The following ANKRD60 variants were observed in gnomAD, a reference collection of about 807,000 sequenced individuals.
ANKRD60 encodes the protein ankyrin repeat domain-containing protein 60.
ANKRD60 carries 24 observed loss-of-function variants against 21.3 expected under a neutral mutation model. The observed-to-expected ratio is 1.13, with a 90% confidence interval of 0.82 to 1.59. The LOEUF (loss-of-function observed/expected upper bound fraction) is 1.59, where lower values mean the gene tolerates loss of function less well. ANKRD60 is among the 40% of genes most tolerant of loss of function. ANKRD60 has a pLI of 0.00. For synonymous variants in ANKRD60, 182 were observed against 199.4 expected (o/e 0.91, Z 0.74); for missense variants, 490 against 466.7 (o/e 1.05, Z -0.46).
chr20:58,227,944 A>G (rs2122816158), intron 1 of ANKRD60, among the ~76,000 whole-genome samples: 1 of 152,254 alleles, frequency 6.6e-6, no homozygotes, highest in African/African-American at 2.4e-5. Flanking sequence ...ATGCAGCCCG[A>G]TCCAGGCAGG....
intron 2 of ANKRD60, 115 bp from the exon 3 acceptor site, chr20:58,221,618 G>T: frequency 8.4e-7 from 1 of 1,197,306 alleles, no homozygotes; most frequent in Non-Finnish European, 1.2e-6. Context: ...TAAGGCTCAT[G>T]ATGGGAAAAG....
downstream of ANKRD60, among the ~76,000 whole-genome samples, chr20:58,217,235 C>A (rs2070118767): frequency 6.6e-6 from 1 of 152,090 alleles, no homozygotes; most frequent in Non-Finnish European, 1.5e-5. Flanking sequence ...TCGAGACCAA[C>A]CTGGCCAACG....
Position 58,228,390 on chromosome 20 carries a change from G to A in ANKRD60, c.264C>T (p.Asp88=). ...GCAGGACGAAGACGTCAGGGGCCAA[G>A]TCGGGCAAGGCACTCGCGGCCTTCG... The change falls in exon 1 of 4, where the codon GAC becomes GAT. Residue 88 remains aspartate (D), a synonymous_variant. Coordinates refer to ENST00000457363, the Ensembl canonical transcript of ANKRD60. The surrounding 1 kb of genome is among the most constrained non-coding windows in gnomAD (Gnocchi z 5.3). 1 of 1,547,498 alleles carries A rather than the reference G, an allele frequency of 6.5e-7. No homozygotes were observed. The highest frequency in any genetic ancestry group is 8.7e-7 in the Non-Finnish European group (1 of 1,146,766).
chr20:58,228,618 C>T lies in ANKRD60; in HGVS notation c.36G>A (p.Ala12=). 9.7e-7 allele frequency: 1 copy of T among 1,027,862 alleles called. No individual in the cohort carries two copies. Among genetic ancestry groups the T allele is most frequent in the Non-Finnish European group, 1.2e-6 (1 of 855,574 alleles). 63.7% of individuals were successfully genotyped at this position (1,027,862 alleles called of 1,614,324 possible). Residue 12 remains alanine, a synonymous_variant, in exon 1 of 4, where the codon GCG becomes GCA. Coordinates refer to ENST00000457363, the Ensembl canonical transcript of ANKRD60. The surrounding 1 kb of genome is among the most constrained non-coding windows in gnomAD (Gnocchi z 5.3). Reference sequence around the variant, plus strand: ...CCCGCGCTCCGCCCGCCCCCGCCGCCGCCCGCCGCATCCCCCAGGCGCGGC... The same window carrying T: ...CCCGCGCTCCGCCCGCCCCCGCCGCTGCCCGCCGCATCCCCCAGGCGCGGC...
At chr20:58,218,933 C>T in intron 3 of ANKRD60, 128 bp from the exon 4 acceptor site, 1 of 786,140 alleles carries the variant, frequency 1.3e-6, no homozygotes, top group Non-Finnish European at 2.0e-6. Context: ...ACTGCCCTGC[C>T]CCCAGTCCAC....
chr20:58,228,620 C>CCTG lies in ANKRD60; in HGVS notation c.33_34insCAG (p.Arg11_Ala12insGln). Reference sequence around the variant, plus strand: ...CGCGCTCCGCCCGCCCCCGCCGCCGCCCGCCGCATCCCCCAGGCGCGGCCG... The same window carrying CCTG: ...CGCGCTCCGCCCGCCCCCGCCGCCGCCTGCCGCCGCATCCCCCAGGCGCGGCCG... On this transcript the variant is annotated inframe_insertion, in exon 1 of 4. Transcript: ENST00000457363. The surrounding 1 kb of genome is among the most constrained non-coding windows in gnomAD (Gnocchi z 5.3). 9.8e-7 allele frequency: 1 copy of CCTG among 1,015,790 alleles called. No individual in the cohort carries two copies. Among genetic ancestry groups the CCTG allele is most frequent in the Non-Finnish European group, 1.2e-6 (1 of 845,090 alleles). 62.9% of individuals were successfully genotyped at this position (1,015,790 alleles called of 1,614,324 possible).
intron 2 of ANKRD60, among the ~76,000 whole-genome samples, chr20:58,222,850 C>G (rs567231035): frequency 6.6e-6 from 1 of 152,180 alleles, no homozygotes; most frequent in East Asian, 1.9e-4. Context: ...AATCACAAAT[C>G]GATAAACCCA....
intron 3 of ANKRD60, among the ~76,000 whole-genome samples, chr20:58,219,624 G>C (rs923559185): frequency 2.0e-5 from 3 of 152,192 alleles, no homozygotes; most frequent in African/African-American, 7.2e-5. Context: ...TCAAATTCTG[G>C]ATAACAAATA....
chr20:58,219,981 C>T (rs185007824), intron 3 of ANKRD60, among the ~76,000 whole-genome samples: 5 of 152,188 alleles, frequency 3.3e-5, no homozygotes, highest in South Asian at 2.1e-4. Context: ...GTTGAGGTAA[C>T]CTTTACCCAT....
In ANKRD60 at chr20:58,228,191, T is replaced by C. The variant is rs1984403564; in HGVS notation, c.430+33A>G. 1.3e-6 allele frequency: 2 copies of C among 1,514,982 alleles called. No homozygotes were observed. Among genetic ancestry groups the C allele is most frequent in the African/African-American group, 1.4e-5 (1 of 72,264 alleles). The allele number at this position is 1,514,982 out of a possible 1,614,324, so 93.8% of individuals were successfully genotyped here. A position where few individuals can be genotyped will look rare whatever the true frequency, so the allele number is the denominator to read the frequency against. On this transcript the variant is annotated intron_variant, in intron 1 of 3. Coordinates refer to ENST00000457363, the Ensembl canonical transcript of ANKRD60. The surrounding 1 kb of genome is among the most constrained non-coding windows in gnomAD (Gnocchi z 5.3). ...CAGAAGTGGACAGGGTGCCCTTGCA[T>C]GTGGCCAGGGAAGGAGTCAGGGCAG... is the stretch of plus-strand genomic sequence containing the variant.
chr20:58,217,087 C>A (rs1047071028), downstream of ANKRD60, among the ~76,000 whole-genome samples: 33 of 152,192 alleles, frequency 2.2e-4, no homozygotes, highest in Non-Finnish European at 7.3e-5. Flanking sequence ...CTTCTCACTC[C>A]TTTTGTAGCA....
chr20:58,222,340 A>G (rs1357599032), intron 2 of ANKRD60, among the ~76,000 whole-genome samples: 1 of 152,092 alleles, frequency 6.6e-6, no homozygotes, highest in Non-Finnish European at 1.5e-5. Context: ...ACCTGCCCCG[A>G]GCCCACGCAC....
intron 2 of ANKRD60, 74 bp from the exon 3 acceptor site, chr20:58,221,577 G>A: frequency 6.8e-7 from 1 of 1,469,622 alleles, no homozygotes; most frequent in South Asian, 1.3e-5. Flanking sequence ...GATGGGGCAT[G>A]CTCAGGGGAA....
chr20:58,228,503 G>T lies in ANKRD60; in HGVS notation c.151C>A (p.Pro51Thr). Residue 51 changes from proline (P) to threonine (T), a missense_variant, in exon 1 of 4, where the codon CCC becomes ACC. Transcript: ENST00000457363. The surrounding 1 kb of genome is among the most constrained non-coding windows in gnomAD (Gnocchi z 5.3). ...CGCGAGTCCGCCGAGCCCACCCTGGGCCCGCCGCACCCCTGAGCCCCGGCC... is the reference window on the plus strand; with the variant it reads ...CGCGAGTCCGCCGAGCCCACCCTGGTCCCGCCGCACCCCTGAGCCCCGGCC... The T allele has an allele frequency of 1.4e-6, 2 of 1,445,418 alleles. No individual in the cohort carries two copies. Among genetic ancestry groups the T allele is most frequent in the South Asian group, 2.8e-5 (2 of 70,478 alleles). 89.5% of individuals were successfully genotyped at this position (1,445,418 alleles called of 1,614,324 possible).
At chr20:58,217,546 G>A (rs149293232), downstream of ANKRD60, among the ~76,000 whole-genome samples, 8 of 152,084 alleles carry the variant, frequency 5.3e-5, no homozygotes, top group East Asian at 1.2e-3. Context: ...GTCAAGTCTC[G>A]GTGCTCTCTT....
chr20:58,218,463 C>G, downstream of ANKRD60: 1 of 1,529,250 alleles, frequency 6.5e-7, no homozygotes, highest in African/African-American at 1.4e-5. Context: ...TTGCCCAAAC[C>G]AGCCTCAGCG....
intron 3 of ANKRD60, among the ~76,000 whole-genome samples, chr20:58,220,683 A>AGTGT (rs36015489): frequency 0.011 from 1,618 of 148,436 alleles, 29 homozygotes; most frequent in East Asian, 0.084. Context: ...GGTTTTTTCT[A>AGTGT]GTGTGTGTGT....
rs998442353 is a variant in ANKRD60, at chr20:58,218,679, T to G, written c.854A>C (p.Lys285Thr). Reference sequence around the variant, plus strand: ...TGCAATGGAGATGGGGGTCTCCCCCTTGGCATCTCTGTCGTGGATGGAGGC... The same window carrying G: ...TGCAATGGAGATGGGGGTCTCCCCCGTGGCATCTCTGTCGTGGATGGAGGC... Residue 285 changes from lysine (K) to threonine (T), a missense_variant, in exon 4 of 4, where the codon AAG becomes ACG. Physicochemically the swap from Lys to Thr is moderately conservative, Grantham distance 78. Coordinates refer to ENST00000457363, the Ensembl canonical transcript of ANKRD60. The G allele has an allele frequency of 1.7e-5, 27 of 1,551,760 alleles. No individual in the cohort carries two copies. The Middle Eastern group carries it at 5.0e-4, about 29-fold the overall frequency.
chr20:58,228,094 G>T lies in ANKRD60; in HGVS notation c.430+130C>A. The T allele has an allele frequency of 1.1e-6, 1 of 934,028 alleles. No individual in the cohort carries two copies. Among genetic ancestry groups the T allele is most frequent in the Non-Finnish European group, 1.6e-6 (1 of 636,490 alleles). 57.9% of individuals were successfully genotyped at this position (934,028 alleles called of 1,614,324 possible). ...GCCCTTCCATCTGGGTTTCAGGGTG[G>T]TTGGGTTTCAGGGGTTTGCTTTGAC... On this transcript the variant is annotated intron_variant, in intron 1 of 3. Coordinates refer to ENST00000457363, the Ensembl canonical transcript of ANKRD60. The surrounding 1 kb of genome is among the most constrained non-coding windows in gnomAD (Gnocchi z 5.3).
Sources: gnomAD v4.1 joint callset for allele counts (sites outside exome capture counted in the v4.1 genomes callset) on GRCh38, gnomAD v4.1.1 for gene constraint, Gnocchi (gnomAD v3.1) non-coding constraint, MANE v1.5 for transcripts, NCBI Gene and HGNC (gene_info 2026-07-23, HGNC 2026-07-21) for gene names.